The following KCNQ5 variants were observed in gnomAD, a reference collection of about 807,000 sequenced individuals.
KCNQ5 encodes the protein potassium voltage-gated channel subfamily Q member 5, also known as potassium voltage-gated channel subfamily KQT member 5.
In KCNQ5, 30 loss-of-function variants were observed where a neutral mutation model predicts 98.2. The observed-to-expected ratio is 0.31, with a 90% CI of 0.23 to 0.41. The LOEUF is 0.41. Ranked by LOEUF, KCNQ5 falls within the 10% of genes least tolerant of loss-of-function variation. KCNQ5 has a pLI of 1.00. For synonymous variants in KCNQ5, 458 were observed against 449.4 expected (o/e 1.02, Z -0.24); for missense variants, 835 against 1,182.5 (o/e 0.71, Z 4.31).
chr6:73,184,548 T>A (rs937129473), intron 11 of KCNQ5, among the ~76,000 whole-genome samples: 2 of 152,208 alleles, frequency 1.3e-5, no homozygotes, highest in African/African-American at 4.8e-5. Context: ...AGCTAGCATT[T>A]AATGAACCCC....
At chr6:72,625,395 A>G (rs540953054) in intron 1 of KCNQ5, among the ~76,000 whole-genome samples, 1 of 152,342 alleles carries the variant, frequency 6.6e-6, no homozygotes, top group East Asian at 1.9e-4. Context: ...CCTGACAGCC[A>G]TATTTCCTAT....
intron 2 of KCNQ5, among the ~76,000 whole-genome samples, chr6:73,017,828 C>T (rs1242181957): frequency 6.6e-6 from 1 of 152,062 alleles, no homozygotes; most frequent in Non-Finnish European, 1.5e-5. Context: ...AAGCCCTCCT[C>T]ATGAAAGAAC....
chr6:72,801,967 T>C (rs1227020347), intron 1 of KCNQ5, among the ~76,000 whole-genome samples: 1 of 152,220 alleles, frequency 6.6e-6, no homozygotes, highest in African/African-American at 2.4e-5. Flanking sequence ...CACTCTCTTC[T>C]GGCTTGTAGG....
At chr6:73,113,034 T>C (rs974396473) in intron 7 of KCNQ5, among the ~76,000 whole-genome samples, 2 of 152,114 alleles carry the variant, frequency 1.3e-5, no homozygotes, top group African/African-American at 4.8e-5. Context: ...TATTTTCTTA[T>C]ATGAAGTTGG....
At chr6:72,770,338 T>C (rs1376257965) in intron 1 of KCNQ5, among the ~76,000 whole-genome samples, 1 of 152,110 alleles carries the variant, frequency 6.6e-6, no homozygotes, top group African/African-American at 2.4e-5. Context: ...TATTCTGCTT[T>C]TGTGTTAAAG....
At chr6:72,812,138 A>T (rs1775272087) in intron 1 of KCNQ5, among the ~76,000 whole-genome samples, 1 of 152,148 alleles carries the variant, frequency 6.6e-6, no homozygotes, top group South Asian at 2.1e-4. Flanking sequence ...GGTCACTTTC[A>T]TTGCCGTCTT....
chr6:73,103,498 GA>G (rs1774879510), intron 5 of KCNQ5, among the ~76,000 whole-genome samples: 1 of 149,740 alleles, frequency 6.7e-6, no homozygotes, highest in African/African-American at 2.5e-5. Context: ...GGGGGGGGGA[GA>G]GGGGAGGGAT....
At chr6:72,987,757 G>C in intron 1 of KCNQ5, 1 of 487,402 alleles carries the variant, frequency 2.1e-6, no homozygotes, top group Non-Finnish European at 3.8e-6. Context: ...TTAAACTCTA[G>C]AGTTTTGTCC....
At chr6:72,875,698 A>G (rs1162755545) in intron 1 of KCNQ5, among the ~76,000 whole-genome samples, 2 of 152,090 alleles carry the variant, frequency 1.3e-5, no homozygotes, top group Non-Finnish European at 2.9e-5. Flanking sequence ...CACTATTTCT[A>G]TTGGTCCCTT....
At chr6:72,957,124 G>T (rs1767117529) in intron 1 of KCNQ5, among the ~76,000 whole-genome samples, 1 of 150,170 alleles carries the variant, frequency 6.7e-6, no homozygotes, top group Admixed American at 6.6e-5. Flanking sequence ...AGTAAGGGTG[G>T]ACCTAGAGCA....
chr6:72,988,686 G>A (rs1288929216), intron 1 of KCNQ5, among the ~76,000 whole-genome samples: 1 of 123,436 alleles, frequency 8.1e-6, no homozygotes, highest in Non-Finnish European at 1.7e-5. Context: ...CTAAGTTTTA[G>A]GGTACATGTG....
chr6:73,144,702 C>T (rs996636283), intron 10 of KCNQ5, among the ~76,000 whole-genome samples: 1 of 152,210 alleles, frequency 6.6e-6, no homozygotes, highest in Non-Finnish European at 1.5e-5. Context: ...CTTAAGTGAA[C>T]TGACTCATGC....
chr6:72,943,980 A>T (rs1054468097), intron 1 of KCNQ5, among the ~76,000 whole-genome samples: 1 of 152,222 alleles, frequency 6.6e-6, no homozygotes, highest in Non-Finnish European at 1.5e-5. Flanking sequence ...CCAAGAAGGT[A>T]AACAACTTGC....
At chr6:73,079,463 A>G (rs1468608124) in intron 5 of KCNQ5, among the ~76,000 whole-genome samples, 1 of 152,242 alleles carries the variant, frequency 6.6e-6, no homozygotes, top group Non-Finnish European at 1.5e-5. Context: ...TCAAAAGCTC[A>G]TCAGCAAGAC....
At chr6:72,948,773 A>C (rs1766662873) in intron 1 of KCNQ5, among the ~76,000 whole-genome samples, 1 of 152,138 alleles carries the variant, frequency 6.6e-6, no homozygotes, top group African/African-American at 2.4e-5. Flanking sequence ...AAGAGCTTGA[A>C]TTTTATAAAG....
intron 1 of KCNQ5, among the ~76,000 whole-genome samples, chr6:72,900,183 A>G (rs566005568): frequency 6.6e-5 from 10 of 152,086 alleles, no homozygotes; most frequent in Middle Eastern, 6.9e-3. Flanking sequence ...TTGCTCCCAC[A>G]TATCAGTGAG....
chr6:72,641,083 T>A (rs1283011951), intron 1 of KCNQ5, among the ~76,000 whole-genome samples: 1 of 152,194 alleles, frequency 6.6e-6, no homozygotes, highest in East Asian at 1.9e-4. Flanking sequence ...CTGAAGACGG[T>A]GTTTTTCTTG....
intron 1 of KCNQ5, among the ~76,000 whole-genome samples, chr6:72,674,597 C>T (rs1260465558): frequency 2.0e-5 from 3 of 152,118 alleles, no homozygotes; most frequent in Admixed American, 2.0e-4. Context: ...TGGTGAAACC[C>T]CGTCTCTACT....
At chr6:72,665,559 C>T (rs184616567) in intron 1 of KCNQ5, among the ~76,000 whole-genome samples, 1 of 152,198 alleles carries the variant, frequency 6.6e-6, no homozygotes, top group Admixed American at 6.5e-5. Flanking sequence ...ATAGATTGGC[C>T]ATTACATAAG....
Sources: allele counts gnomAD v4.1 joint callset (sites outside exome capture counted in the v4.1 genomes callset), GRCh38; gene constraint gnomAD v4.1.1; transcripts MANE v1.5; gene names NCBI Gene and HGNC (gene_info 2026-07-23, HGNC 2026-07-21).